COPG2: variants seen among roughly 807,000 people sequenced by gnomAD.
COPG2 encodes the protein coat protein complex I subunit gamma 2.
In COPG2, 37 loss-of-function variants were observed where a neutral mutation model predicts 46.3. That is an observed-to-expected ratio of 0.80 (90% CI 0.61 to 1.05). COPG2 has a LOEUF of 1.05. Ranked by LOEUF, COPG2 falls within the 50% of genes least tolerant of loss-of-function variation. The probability of loss-of-function intolerance (pLI) is 0.00; values close to 1 mark genes in which losing one functional copy is unlikely to be tolerated. For synonymous variants in COPG2, 159 were observed against 129.7 expected (o/e 1.23, Z -1.53); for missense variants, 427 against 387.8 (o/e 1.10, Z -0.85).
chr7:130,561,077 T>A lies in COPG2; in HGVS notation c.1084A>T (p.Lys362Ter). 1 of 398,592 alleles carries A rather than the reference T, an allele frequency of 2.5e-6. No individual in the cohort carries two copies. The highest frequency in any genetic ancestry group is 1.3e-4 in the South Asian group (1 of 7,866). The allele number at this position is 398,592 out of a possible 1,614,324, so 24.7% of individuals were successfully genotyped here. A position where few individuals can be genotyped will look rare whatever the true frequency, so the allele number is the denominator to read the frequency against. Residue 362 changes from lysine to a stop codon, truncating the protein, a stop_gained, in exon 12 of 24, where the codon AAG (lysine) becomes TAG (stop). Coordinates refer to ENST00000425248, the MANE Select transcript of COPG2 (RefSeq NM_012133.6). LOFTEE classifies it high-confidence loss of function. ...TCAGACACAAAAGAAGATATCTGCTTCATGAGCCGGTCCACACTGCTCTCA... is the reference window on the plus strand; with the variant it reads ...TCAGACACAAAAGAAGATATCTGCTACATGAGCCGGTCCACACTGCTCTCA... ...GSESSVDRLM[K>*]QISSFVSEIS...
chr7:130,591,040 G>A (rs1243241357), intron 9 of COPG2, among the ~76,000 whole-genome samples: 1 of 151,414 alleles, frequency 6.6e-6, no homozygotes, highest in Non-Finnish European at 1.5e-5. Context: ...CTCCAGGAGG[G>A]AGGTGGGGGT....
intron 9 of COPG2, among the ~76,000 whole-genome samples, chr7:130,590,054 G>C (rs1238325745): frequency 6.6e-6 from 1 of 152,038 alleles, no homozygotes; most frequent in Non-Finnish European, 1.5e-5. Context: ...TCAAAAGATT[G>C]TATTTTTCTT....
intron 20 of COPG2, among the ~76,000 whole-genome samples, chr7:130,545,552 A>G (rs1175894742): frequency 6.6e-6 from 1 of 152,204 alleles, no homozygotes; most frequent in Non-Finnish European, 1.5e-5. Context: ...ATTGCACAGC[A>G]TAGACTTTAG....
chr7:130,665,913 T>C (rs575348616), intron 3 of COPG2, among the ~76,000 whole-genome samples: 1 of 150,790 alleles, frequency 6.6e-6, no homozygotes, highest in South Asian at 2.1e-4. Context: ...TGAGCGCAAA[T>C]ATTTTTGCTG....
At chr7:130,591,511 C>T (rs1369372421) in intron 9 of COPG2, among the ~76,000 whole-genome samples, 7 of 90,514 alleles carry the variant, frequency 7.7e-5, no homozygotes, top group Non-Finnish European at 1.2e-4. Context: ...CCGCCCCATC[C>T]GGGAGGTGAG....
intron 9 of COPG2, among the ~76,000 whole-genome samples, chr7:130,591,554 G>C (rs1794424781): frequency 7.5e-6 from 1 of 133,418 alleles, no homozygotes; most frequent in African/African-American, 2.8e-5. Flanking sequence ...CTACTGGGAA[G>C]TGAGGAGCCC....
At chr7:130,583,848 A>T (rs1411650156) in intron 9 of COPG2, among the ~76,000 whole-genome samples, 3 of 147,840 alleles carry the variant, frequency 2.0e-5, no homozygotes, top group African/African-American at 7.5e-5. Flanking sequence ...CCAGGACCAG[A>T]CTTTTCACAG....
intron 5 of COPG2, among the ~76,000 whole-genome samples, chr7:130,648,399 A>C (rs62473524): frequency 6.6e-6 from 1 of 152,178 alleles, no homozygotes; most frequent in Non-Finnish European, 1.5e-5. Context: ...ATCCCCCCAA[A>C]GTCTCAACAC....
At chr7:130,531,937 G>T (rs1274028915) in intron 20 of COPG2, among the ~76,000 whole-genome samples, 1 of 152,118 alleles carries the variant, frequency 6.6e-6, no homozygotes, top group Non-Finnish European at 1.5e-5. Context: ...CTCAGAAAAA[G>T]TAAGGGAAAA....
chr7:130,624,992 G>GTT (rs1795093620), intron 5 of COPG2, among the ~76,000 whole-genome samples: 2 of 152,266 alleles, frequency 1.3e-5, no homozygotes, highest in South Asian at 4.1e-4. Flanking sequence ...TCTCTATACT[G>GTT]TTTTCCATAG....
intron 5 of COPG2, among the ~76,000 whole-genome samples, chr7:130,626,312 C>G (rs10281580): frequency 0.15 from 22,014 of 151,816 alleles, 2,950 homozygotes; most frequent in African/African-American, 0.36. Context: ...AAACCCCTCC[C>G]TGACCAGAGA....
chr7:130,650,158 C>T (rs1055919134), intron 5 of COPG2, among the ~76,000 whole-genome samples: 4 of 152,164 alleles, frequency 2.6e-5, no homozygotes, highest in Admixed American at 6.5e-5. Context: ...CTCTTACTGA[C>T]GCCTCTTCTG....
intron 20 of COPG2, among the ~76,000 whole-genome samples, chr7:130,533,191 A>G (rs2116361670): frequency 6.6e-6 from 1 of 152,152 alleles, no homozygotes; most frequent in South Asian, 2.1e-4. Context: ...ATTTGCATCA[A>G]AATCCTTGGT....
At chr7:130,620,232 T>TA (rs1795015477) in intron 5 of COPG2, among the ~76,000 whole-genome samples, 1 of 152,168 alleles carries the variant, frequency 6.6e-6, no homozygotes, top group Non-Finnish European at 1.5e-5. Flanking sequence ...GAGTGTCTGT[T>TA]AAGTGTCAGA....
At chr7:130,533,637 T>C (rs1799850322) in intron 20 of COPG2, among the ~76,000 whole-genome samples, 1 of 151,806 alleles carries the variant, frequency 6.6e-6, no homozygotes, top group Non-Finnish European at 1.5e-5. Flanking sequence ...AATCAGACAG[T>C]AGATGAATGA....
intron 4 of COPG2, among the ~76,000 whole-genome samples, chr7:130,654,314 C>G (rs1795805956): frequency 6.6e-6 from 1 of 152,100 alleles, no homozygotes. Context: ...ATGAAGACAA[C>G]CAAACATTCA....
intron 9 of COPG2, among the ~76,000 whole-genome samples, chr7:130,582,593 A>G (rs1794175315): frequency 6.6e-6 from 1 of 150,584 alleles, no homozygotes; most frequent in Admixed American, 6.6e-5. Flanking sequence ...TTTGCAACCT[A>G]CTCATCTGAC....
intron 5 of COPG2, among the ~76,000 whole-genome samples, chr7:130,632,490 A>C (rs1238480990): frequency 6.6e-6 from 1 of 152,190 alleles, no homozygotes; most frequent in Non-Finnish European, 1.5e-5. Context: ...ATCTTTCTCC[A>C]AATTTGTAAG....
chr7:130,615,004 C>T (rs536023459), intron 6 of COPG2, among the ~76,000 whole-genome samples: 1 of 152,200 alleles, frequency 6.6e-6, no homozygotes, highest in Admixed American at 6.5e-5. Context: ...GACACCAAAG[C>T]AAATGTCCTA....
Sources: gnomAD v4.1 joint callset for allele counts (sites outside exome capture counted in the v4.1 genomes callset) on GRCh38, gnomAD v4.1.1 for gene constraint, MANE v1.5 for transcripts, NCBI Gene and HGNC (gene_info 2026-07-23, HGNC 2026-07-21) for gene names.